The following SLC38A4 variants were observed in gnomAD, a reference collection of about 807,000 sequenced individuals.
SLC38A4 encodes sodium-coupled neutral amino acid transporter 4.
SLC38A4 carries 20 observed loss-of-function variants against 63.1 expected under a neutral mutation model. The ratio of observed to expected loss-of-function variants is 0.32; its 90% CI spans 0.22 to 0.46. The LOEUF is 0.46. Ranked by LOEUF, SLC38A4 falls within the 20% of genes least tolerant of loss-of-function variation. SLC38A4 has a pLI of 1.00. For synonymous variants in SLC38A4, 230 were observed against 225.5 expected, an observed-to-expected ratio of 1.02 and a Z score of -0.18; for missense variants, 526 against 663.6, an observed-to-expected ratio of 0.79 and a Z score of 2.28.
intron 1 of SLC38A4, among the ~76,000 whole-genome samples, chr12:46,831,570 C>T (rs1031233236): frequency 3.3e-5 from 5 of 152,246 alleles, no homozygotes; most frequent in East Asian, 3.9e-4. Flanking sequence ...TTTTCAGACT[C>T]GCCCACCGCC....
intron 1 of SLC38A4, among the ~76,000 whole-genome samples, chr12:46,811,533 G>A (rs1016594883): frequency 2.0e-5 from 3 of 151,998 alleles, no homozygotes; most frequent in African/African-American, 7.2e-5. Context: ...GTCAGTGCAG[G>A]GATCACAGAG....
intron 7 of SLC38A4, among the ~76,000 whole-genome samples, chr12:46,781,850 T>C (rs1938649081): frequency 6.6e-6 from 1 of 152,140 alleles, no homozygotes; most frequent in East Asian, 1.9e-4. Context: ...GGGTTAATTA[T>C]GCTTATGCCT....
chr12:46,825,192 C>A (rs1488415414), intron 1 of SLC38A4, among the ~76,000 whole-genome samples: 2 of 140,266 alleles, frequency 1.4e-5, no homozygotes, highest in Non-Finnish European at 3.2e-5. Flanking sequence ...TGTCAGCTTC[C>A]TGGGTTTAAT....
chr12:46,815,024 C>T (rs1430119285), intron 1 of SLC38A4, among the ~76,000 whole-genome samples: 1 of 151,526 alleles, frequency 6.6e-6, no homozygotes, highest in Admixed American at 6.6e-5. Context: ...AAATAGATCA[C>T]GTACCATGGC....
intron 14 of SLC38A4, among the ~76,000 whole-genome samples, chr12:46,773,890 T>G (rs975152414): frequency 1.2e-4 from 19 of 152,058 alleles, no homozygotes; most frequent in African/African-American, 4.6e-4. Flanking sequence ...GTGCCAAAAT[T>G]TAGTGAGTGA....
chr12:46,792,249 G>T (rs534270463), intron 3 of SLC38A4, among the ~76,000 whole-genome samples: 27 of 152,182 alleles, frequency 1.8e-4, no homozygotes, highest in African/African-American at 6.3e-4. Context: ...AGAAAAGTAG[G>T]TGTATTTGAA....
At chr12:46,782,187 C>A (rs1210069366) in intron 7 of SLC38A4, among the ~76,000 whole-genome samples, 1 of 152,008 alleles carries the variant, frequency 6.6e-6, no homozygotes, top group East Asian at 1.9e-4. Flanking sequence ...AAAGAAATTT[C>A]TGCATTCCAG....
chr12:46,791,831 C>T (rs1456677169), intron 3 of SLC38A4, among the ~76,000 whole-genome samples: 1 of 151,896 alleles, frequency 6.6e-6, no homozygotes, highest in East Asian at 1.9e-4. Flanking sequence ...GCATAGGAGA[C>T]CTGATGTTGA....
At chr12:46,782,692 G>T (rs1938667604) in intron 7 of SLC38A4, among the ~76,000 whole-genome samples, 1 of 151,476 alleles carries the variant, frequency 6.6e-6, no homozygotes, top group South Asian at 2.1e-4. Context: ...CAGAGAACCA[G>T]GGAGGAGAGA....
intron 1 of SLC38A4, among the ~76,000 whole-genome samples, chr12:46,812,399 G>C (rs370908379): frequency 2.6e-5 from 4 of 152,048 alleles, no homozygotes; most frequent in African/African-American, 7.2e-5. Context: ...TTATCTACAT[G>C]AGAAGTCTTC....
intron 3 of SLC38A4, among the ~76,000 whole-genome samples, chr12:46,789,305 G>T (rs777170462): frequency 2.0e-4 from 31 of 151,848 alleles, no homozygotes; most frequent in Admixed American, 2.0e-3. Flanking sequence ...CTGTGTGTGC[G>T]TATGTGTTTT....
chr12:46,777,487 T>C (rs753150814), intron 12 of SLC38A4, among the ~76,000 whole-genome samples: 3 of 152,006 alleles, frequency 2.0e-5, no homozygotes, highest in Non-Finnish European at 4.4e-5. Context: ...CTGGAGTAAC[T>C]GCTACATGTA....
intron 12 of SLC38A4, among the ~76,000 whole-genome samples, chr12:46,777,313 C>T (rs754225142): frequency 1.3e-5 from 2 of 151,812 alleles, no homozygotes; most frequent in Non-Finnish European, 2.9e-5. Context: ...CAAACAGGCT[C>T]CTAACATAGA....
At chr12:46,829,803 G>T (rs1294661029), upstream of SLC38A4, among the ~76,000 whole-genome samples, 2 of 152,126 alleles carry the variant, frequency 1.3e-5, no homozygotes, top group Non-Finnish European at 2.9e-5. Context: ...AAAGAACAAA[G>T]AATTGTTCAT....
intron 7 of SLC38A4, among the ~76,000 whole-genome samples, chr12:46,783,044 G>GTGTGTGTGTA (rs1938676550): frequency 7.6e-6 from 1 of 130,738 alleles, no homozygotes; most frequent in Non-Finnish European, 1.7e-5. Flanking sequence ...GTGTGTGTGT[G>GTGTGTGTGTA]TGTGTGTGTG....
chr12:46,831,360 C>A (rs1939728999), intron 1 of SLC38A4, among the ~76,000 whole-genome samples: 1 of 152,216 alleles, frequency 6.6e-6, no homozygotes, highest in African/African-American at 2.4e-5. Context: ...GCTCTTCTCT[C>A]AATTTTTCCT....
At chr12:46,797,845 C>T (rs1295553155) in intron 2 of SLC38A4, among the ~76,000 whole-genome samples, 1 of 152,064 alleles carries the variant, frequency 6.6e-6, no homozygotes, top group African/African-American at 2.4e-5. Flanking sequence ...TTGTGATAGG[C>T]CCTCTTCTTC....
rs138415069 is a variant in SLC38A4 at position 46,795,802 on chromosome 12, T to C, written c.-112-2619A>G. On this transcript the variant is annotated intron_variant, in intron 2 of 16. Transcript: ENST00000266579. ...GATGAGTCTGGCTCTTATTTCTTTA[T>C]AGATAATTTATCGATGGTTTTCTGA... Among the ~76,000 whole-genome samples the C allele has an allele frequency of 3.0e-3, 457 of 152,110 alleles. 3 individuals carry two copies. The highest frequency in any genetic ancestry group is 0.01 in the African/African-American group (432 of 41,556).
At chr12:46,822,854 T>C (rs1308772080) in intron 1 of SLC38A4, among the ~76,000 whole-genome samples, 1 of 152,178 alleles carries the variant, frequency 6.6e-6, no homozygotes, top group African/African-American at 2.4e-5. Flanking sequence ...AATTTTGGTA[T>C]AAAGAATAAT....
Sources: allele counts gnomAD v4.1 joint callset (sites outside exome capture counted in the v4.1 genomes callset), GRCh38; gene constraint gnomAD v4.1.1; transcripts MANE v1.5; gene names NCBI Gene and HGNC (gene_info 2026-07-23, HGNC 2026-07-21).